TKFC: variants seen among roughly 807,000 people sequenced by gnomAD.
The protein encoded by TKFC is triokinase and FMN cyclase.
Under a neutral mutation model 61.0 loss-of-function variants are expected in TKFC, and 46 were observed. That is an observed-to-expected ratio of 0.75 (90% CI 0.60 to 0.96). The LOEUF (loss-of-function observed/expected upper bound fraction) is 0.96, where lower values mean the gene tolerates loss of function less well. Among genes scored for constraint, TKFC ranks in the 50% least tolerant of loss-of-function variants. The pLI is 0.00. For missense variants in TKFC, 715 were observed against 777.5 expected (o/e 0.92, Z 0.96); for synonymous variants, 314 against 330.1 (o/e 0.95, Z 0.53).
chr11:61,345,818 A>G, intron 16 of TKFC, 39 bp from the exon 17 acceptor site: 1 of 1,614,120 alleles, frequency 6.2e-7, no homozygotes, highest in Non-Finnish European at 8.5e-7. Context: ...CCTCGGTTGC[A>G]GGGCCCGTGC....
Position 61,345,514 on chromosome 11 carries a change from G to C in TKFC, c.1400G>C (p.Ser467Thr). 2 of 1,613,298 alleles carry C rather than the reference G, an allele frequency of 1.2e-6. No homozygotes were observed. Among genetic ancestry groups the C allele is most frequent in the Non-Finnish European group, 1.7e-6 (2 of 1,180,040 alleles). Residue 467 changes from serine to threonine, a missense_variant, in exon 15 of 18, where the codon AGC becomes ACC. By Grantham distance (58) the Ser-to-Thr change is moderately conservative. Coordinates refer to ENST00000394900, the MANE Select transcript of TKFC (RefSeq NM_015533.4). ...AAAQPLKAKT[S>T]LPAWSAAMDA... is the part of the protein sequence containing the mutation. ...GCACAGCCCCTGAAGGCCAAGACCA[G>C]CCTCCCAGCCTGGTCTGCTGCCATG... is the stretch of plus-strand genomic sequence containing the variant.
At position 61,347,298 on chromosome 11, in the gene TKFC, T is replaced by G. The variant is rs1857176662; in HGVS notation, c.*795T>G. On this transcript the variant is annotated 3_prime_UTR_variant, in exon 18 of 18. Coordinates refer to ENST00000394900, the MANE Select transcript of TKFC (RefSeq NM_015533.4). Reference sequence around the variant, plus strand: ...GGCTCACACCTGCAATCCCAGCACTTTGGGAGGCCAAGGCAGGCGGATCCC... The same window carrying G: ...GGCTCACACCTGCAATCCCAGCACTGTGGGAGGCCAAGGCAGGCGGATCCC... 1 of 982,528 alleles carries G rather than the reference T, an allele frequency of 1.0e-6. No homozygotes were observed. Among genetic ancestry groups the G allele is most frequent in the African/African-American group, 1.8e-5 (1 of 57,126 alleles). 60.9% of individuals were successfully genotyped at this position (982,528 alleles called of 1,614,324 possible).
chr11:61,343,523 C>T (rs1053335429), intron 11 of TKFC, 65 bp downstream of exon 11: 6 of 1,451,134 alleles, frequency 4.1e-6, no homozygotes, highest in Non-Finnish European at 5.8e-6. Flanking sequence ...GCCAGGGAGA[C>T]TTGGAGACCC....
intron 3 of TKFC, among the ~76,000 whole-genome samples, chr11:61,338,539 A>T (rs1856712252): frequency 6.6e-6 from 1 of 152,076 alleles, no homozygotes; most frequent in Admixed American, 6.6e-5. Context: ...GTGTGGAGCC[A>T]GGGACGCAGA....
At chr11:61,339,203 C>T (rs377465224) in intron 4 of TKFC, 27 bp downstream of exon 4, 66 of 1,612,072 alleles carry the variant, frequency 4.1e-5, no homozygotes, top group African/African-American at 3.6e-4. Context: ...GGAGGGGCTG[C>T]GGCAGGGAGG....
At chr11:61,349,502 G>T (rs1444170324), downstream of TKFC, 1 of 701,650 alleles carries the variant, frequency 1.4e-6, no homozygotes, top group African/African-American at 1.7e-5. Flanking sequence ...AGCCACCTCT[G>T]TTACTCATCG....
At chr11:61,342,532 A>G in intron 8 of TKFC, 37 bp downstream of exon 8, 1 of 1,614,092 alleles carries the variant, frequency 6.2e-7, no homozygotes, top group Non-Finnish European at 8.5e-7. Context: ...CCCTAAGGCC[A>G]AGGCCCCCCA....
intron 1 of TKFC, chr11:61,334,036 T>G (rs1435343666): frequency 6.6e-6 from 1 of 152,498 alleles, no homozygotes; most frequent in Admixed American, 6.5e-5. Flanking sequence ...TAGAAAGTCA[T>G]CGTGGTTTAC....
In TKFC at chr11:61,346,878, C is replaced by T. The variant is rs886295816; in HGVS notation, c.*375C>T. 13 of 1,013,644 alleles carry T rather than the reference C, an allele frequency of 1.3e-5. No individual in the cohort carries two copies. The highest frequency in any genetic ancestry group is 4.9e-4 in the Middle Eastern group (1 of 2,058). 62.8% of individuals were successfully genotyped at this position (1,013,644 alleles called of 1,614,324 possible). A position where few individuals can be genotyped will look rare whatever the true frequency, so the allele number is the denominator to read the frequency against. On this transcript the variant is annotated 3_prime_UTR_variant, in exon 18 of 18. Transcript: ENST00000394900. This position sits in a 1 kb window ranked among gnomAD's most constrained non-coding sequence, Gnocchi z 4.1. ...CTTTCCGCACCTTAACCCCAGTGAG[C>T]GTGAAAAAGAAAGTTAATAAACTAT...
intron 7 of TKFC, 194 bp from the exon 8 acceptor site, chr11:61,342,267 A>G (rs866179283): frequency 8.5e-6 from 6 of 706,876 alleles, no homozygotes; most frequent in Non-Finnish European, 1.5e-5. Context: ...AACTATCTCT[A>G]GTTAAAGCTA....
chr11:61,347,652 A>C lies in TKFC; in HGVS notation c.*1149A>C. 2.0e-6 allele frequency: 2 copies of C among 985,438 alleles called. No homozygotes were observed. Among genetic ancestry groups the C allele is most frequent in the Non-Finnish European group, 2.4e-6 (2 of 829,948 alleles). The allele number at this position is 985,438 out of a possible 1,614,324, so 61.0% of individuals were successfully genotyped here. A position where few individuals can be genotyped will look rare whatever the true frequency, so the allele number is the denominator to read the frequency against. ...AGGGGCACTGTATGCATGTGGAGACAAACAGCACATGCCTGGCACACATGT... is the reference window on the plus strand; with the variant it reads ...AGGGGCACTGTATGCATGTGGAGACCAACAGCACATGCCTGGCACACATGT... On this transcript the variant is annotated 3_prime_UTR_variant, in exon 18 of 18. Coordinates refer to ENST00000394900, the MANE Select transcript of TKFC (RefSeq NM_015533.4).
At chr11:61,337,880 C>A in intron 2 of TKFC, 61 bp from the exon 3 acceptor site, 1 of 1,468,052 alleles carries the variant, frequency 6.8e-7, no homozygotes, top group Non-Finnish European at 9.1e-7. Flanking sequence ...AGTGTGGCTG[C>A]GCAGGATGGG....
At chr11:61,349,715 G>A (rs1857308312), downstream of TKFC, 4 of 692,096 alleles carry the variant, frequency 5.8e-6, no homozygotes, top group South Asian at 6.0e-5. Context: ...GAACAGCTCA[G>A]AGCGGTCAGC....
In TKFC at chr11:61,346,326, C is replaced by T. The variant is rs1220156562; in HGVS notation, c.1576-25C>T. On this transcript the variant is annotated intron_variant, in intron 17 of 17. Coordinates refer to ENST00000394900, the MANE Select transcript of TKFC (RefSeq NM_015533.4). This position sits in a 1 kb window ranked among gnomAD's most constrained non-coding sequence, Gnocchi z 4.1. ...GGCGGCCTGGTGATCTGCCCTTGAA[C>T]CTGCTCCCACACCCCATCCCCCAGA... 2 of 1,611,448 alleles carry T rather than the reference C, an allele frequency of 1.2e-6. No individual in the cohort carries two copies. The highest frequency in any genetic ancestry group is 8.5e-7 in the Non-Finnish European group (1 of 1,179,978).
chr11:61,341,980 C>T (rs1856875974), intron 7 of TKFC, 68 bp downstream of exon 7: 4 of 1,431,208 alleles, frequency 2.8e-6, no homozygotes, highest in Non-Finnish European at 3.8e-6. Context: ...ACCTTGCATA[C>T]CCTTAGAGCC....
At position 61,338,055 on chromosome 11, in the gene TKFC, T is replaced by C. The variant is rs1347000875; in HGVS notation, c.118T>C (p.Ser40Pro). Residue 40 changes from serine (S) to proline (P), a missense_variant, in exon 3 of 18, where the codon TCT becomes CCT. Coordinates refer to ENST00000394900, the MANE Select transcript of TKFC (RefSeq NM_015533.4). ...LLQGHRVALR[S>P]DLDSLKGRVA... Reference sequence around the variant, plus strand: ...GCAGGGCCACCGCGTGGCCCTCCGTTCTGACCTGGACAGCCTCAAGGGCCG... The same window carrying C: ...GCAGGGCCACCGCGTGGCCCTCCGTCCTGACCTGGACAGCCTCAAGGGCCG... 3 of 1,612,582 alleles carry C rather than the reference T, an allele frequency of 1.9e-6. No homozygotes were observed. The East Asian group carries it at 6.7e-5, about 36-fold the overall frequency.
chr11:61,338,271 C>T (rs972138423), intron 3 of TKFC, 141 bp downstream of exon 3: 4 of 791,750 alleles, frequency 5.1e-6, no homozygotes, highest in Non-Finnish European at 7.4e-6. Flanking sequence ...CCACTCCCTC[C>T]GGCTGGGATC....
In TKFC at chr11:61,346,858, C is replaced by T. The variant is rs1857153405; in HGVS notation, c.*355C>T. 29 of 1,041,398 alleles carry T rather than the reference C, an allele frequency of 2.8e-5. No individual in the cohort carries two copies. The highest frequency in any genetic ancestry group is 4.5e-4 in the Middle Eastern group (1 of 2,228). 64.5% of individuals were successfully genotyped at this position (1,041,398 alleles called of 1,614,324 possible). ...TTAAGACTCCCTGTGAAATGCTTTC[C>T]GCACCTTAACCCCAGTGAGCGTGAA... is the stretch of plus-strand genomic sequence containing the variant. On this transcript the variant is annotated 3_prime_UTR_variant, in exon 18 of 18. Coordinates refer to ENST00000394900, the MANE Select transcript of TKFC (RefSeq NM_015533.4). This position sits in a 1 kb window ranked among gnomAD's most constrained non-coding sequence, Gnocchi z 4.1.
chr11:61,345,883 G>GGAGC lies in TKFC; in HGVS notation c.1513_1516dup (p.Leu506ArgfsTer11). The GGAGC allele has an allele frequency of 5.6e-6, 9 of 1,614,170 alleles. No homozygotes were observed. Among genetic ancestry groups the GGAGC allele is most frequent in the Non-Finnish European group, 7.6e-6 (9 of 1,180,040 alleles). On this transcript the variant is annotated frameshift_variant, in exon 17 of 18. Coordinates refer to ENST00000394900, the MANE Select transcript of TKFC (RefSeq NM_015533.4). LOFTEE classifies it high-confidence loss of function. ...TGGATTCTCTGTGGGCAGCGGGGCA[G>GGAGC]GAGCTCCAAGCCTGGAAGAGCCCAG...
Sources: allele counts gnomAD v4.1 joint callset (sites outside exome capture counted in the v4.1 genomes callset), GRCh38; gene constraint gnomAD v4.1.1; non-coding constraint Gnocchi (gnomAD v3.1); transcripts MANE v1.5; gene names NCBI Gene and HGNC (gene_info 2026-07-23, HGNC 2026-07-21).